Variants in CNPY1 observed in about 807,000 individuals in gnomAD.
CNPY1 encodes protein canopy homolog 1.
CNPY1 carries 14 observed loss-of-function variants against 14.4 expected under a neutral mutation model. The observed-to-expected ratio is 0.97, with a 90% CI of 0.64 to 1.52. CNPY1 has a LOEUF of 1.52. Ranked by LOEUF, CNPY1 falls within the 40% of genes most tolerant of loss-of-function variation. CNPY1 has a pLI of 0.00. For synonymous variants in CNPY1, 43 were observed against 46.5 expected (o/e 0.92, Z 0.31); for missense variants, 129 against 131.5 (o/e 0.98, Z 0.09).
intron 2 of CNPY1, among the ~76,000 whole-genome samples, chr7:155,514,422 C>A (rs79871479): frequency 3.2e-4 from 49 of 152,278 alleles, no homozygotes; most frequent in African/African-American, 1.2e-3. Context: ...CTGCATGTTT[C>A]ACCGTCTTGT....
intron 2 of CNPY1, among the ~76,000 whole-genome samples, chr7:155,538,331 T>C (rs1242034523): frequency 6.6e-6 from 1 of 152,136 alleles, no homozygotes; most frequent in Non-Finnish European, 1.5e-5. Flanking sequence ...TGCAAGAAAA[T>C]GCAAGTAAGT....
At chr7:155,542,105 C>T (rs1313523638) in intron 2 of CNPY1, among the ~76,000 whole-genome samples, 9 of 152,130 alleles carry the variant, frequency 5.9e-5, no homozygotes, top group South Asian at 2.1e-4. Context: ...TGCAGTGGGA[C>T]GCTCGATGTG....
At chr7:155,522,670 C>A (rs537798895) in intron 2 of CNPY1, among the ~76,000 whole-genome samples, 1 of 151,246 alleles carries the variant, frequency 6.6e-6, no homozygotes, top group South Asian at 2.1e-4. Flanking sequence ...CATGGAGGTG[C>A]TGGGATACCT....
chr7:155,506,972 G>A, intron 4 of CNPY1, 48 bp downstream of exon 4: 3 of 1,247,986 alleles, frequency 2.4e-6, no homozygotes, highest in South Asian at 1.2e-5. Flanking sequence ...CTGAGTGAGA[G>A]AGAGAGGGTG....
intron 2 of CNPY1, chr7:155,518,226 G>A (rs925939795): frequency 6.5e-6 from 1 of 152,730 alleles, no homozygotes; most frequent in African/African-American, 2.4e-5. Context: ...CAGTCATGCA[G>A]AGTCCCAGGT....
At chr7:155,520,608 C>A (rs540104575) in intron 2 of CNPY1, among the ~76,000 whole-genome samples, 1 of 151,940 alleles carries the variant, frequency 6.6e-6, no homozygotes, top group African/African-American at 2.4e-5. Context: ...TCCTTCACGT[C>A]ATTTGTTTCC....
chr7:155,504,913 C>T (rs1796249042), intron 4 of CNPY1, among the ~76,000 whole-genome samples: 1 of 152,224 alleles, frequency 6.6e-6, no homozygotes, highest in Non-Finnish European at 1.5e-5. Flanking sequence ...ACGGTACGAA[C>T]ATCTCACCCT....
intron 2 of CNPY1, among the ~76,000 whole-genome samples, chr7:155,529,048 G>T (rs1194829061): frequency 7.3e-6 from 1 of 136,662 alleles, no homozygotes; most frequent in African/African-American, 2.8e-5. Flanking sequence ...GTGACAGAGC[G>T]AGACTCCATA....
chr7:155,544,181 AC>A (rs146547460), intron 2 of CNPY1, among the ~76,000 whole-genome samples: 2,752 of 152,314 alleles, frequency 0.018, 89 homozygotes, highest in African/African-American at 0.063. Flanking sequence ...CAGTCCCTGC[AC>A]GGCCCTCCAT....
chr7:155,538,769 A>G (rs1797052220), intron 2 of CNPY1, among the ~76,000 whole-genome samples: 2 of 152,144 alleles, frequency 1.3e-5, no homozygotes, highest in African/African-American at 4.8e-5. Context: ...GAGCACCGCC[A>G]TGGGCTGACT....
intron 4 of CNPY1, 91 bp downstream of exon 4, chr7:155,506,929 C>A (rs1049085668): frequency 2.2e-5 from 18 of 819,126 alleles, no homozygotes; most frequent in Non-Finnish European, 3.5e-5. Flanking sequence ...GCAGAGGCAG[C>A]GAGGCTCGGT....
chr7:155,529,699 C>A (rs1196471526), intron 2 of CNPY1, among the ~76,000 whole-genome samples: 1 of 152,146 alleles, frequency 6.6e-6, no homozygotes, highest in Non-Finnish European at 1.5e-5. Flanking sequence ...CCACCCTGCT[C>A]CAGTATGACC....
chr7:155,523,312 G>A (rs966842185), intron 2 of CNPY1, among the ~76,000 whole-genome samples: 2 of 152,238 alleles, frequency 1.3e-5, no homozygotes, highest in African/African-American at 4.8e-5. Context: ...AAAGATCAGA[G>A]ACAAAGGATA....
At chr7:155,539,327 A>T (rs1041083632) in intron 2 of CNPY1, among the ~76,000 whole-genome samples, 2 of 152,190 alleles carry the variant, frequency 1.3e-5, no homozygotes, top group African/African-American at 4.8e-5. Context: ...CCCATTATAT[A>T]AAGTGTCACA....
chr7:155,516,529 C>T (rs28550213), intron 2 of CNPY1, among the ~76,000 whole-genome samples: 2 of 151,952 alleles, frequency 1.3e-5, no homozygotes, highest in Non-Finnish European at 2.9e-5. Flanking sequence ...GAGGAGGCTG[C>T]GGTATGACCA....
At chr7:155,526,236 G>A (rs1745429150) in intron 2 of CNPY1, among the ~76,000 whole-genome samples, 1 of 152,130 alleles carries the variant, frequency 6.6e-6, no homozygotes, top group Admixed American at 6.5e-5. Context: ...GGGGAGCAAG[G>A]CTTATTTGAT....
chr7:155,516,688 G>A (rs1051397329), intron 2 of CNPY1, among the ~76,000 whole-genome samples: 2 of 152,212 alleles, frequency 1.3e-5, no homozygotes, highest in Non-Finnish European at 2.9e-5. Flanking sequence ...CCGGGAAGCT[G>A]GTGATGGCCC....
chr7:155,521,111 G>T (rs1796715428), intron 2 of CNPY1, among the ~76,000 whole-genome samples: 2 of 151,922 alleles, frequency 1.3e-5, no homozygotes, highest in East Asian at 3.9e-4. Flanking sequence ...AGGAAGGCTG[G>T]CTCCCCTCCC....
At chr7:155,530,228 A>G (rs1041495311) in intron 2 of CNPY1, among the ~76,000 whole-genome samples, 2 of 150,418 alleles carry the variant, frequency 1.3e-5, no homozygotes, top group African/African-American at 4.9e-5. Flanking sequence ...GGCCCTAACT[A>G]TAGTCAGAGG....
Sources: gnomAD v4.1 joint callset for allele counts (sites outside exome capture counted in the v4.1 genomes callset) on GRCh38, gnomAD v4.1.1 for gene constraint, MANE v1.5 for transcripts, NCBI Gene and HGNC (gene_info 2026-07-23, HGNC 2026-07-21) for gene names.